The following UBXN2A variants were observed in gnomAD, a reference collection of about 807,000 sequenced individuals.
UBXN2A encodes the protein UBX domain protein 2A, also known as UBX domain-containing protein 2A.
Under a neutral mutation model 28.4 loss-of-function variants are expected in UBXN2A, and 28 were observed. The ratio of observed to expected loss-of-function variants is 0.99; its 90% CI spans 0.73 to 1.35. UBXN2A has a LOEUF of 1.35. Among genes scored for constraint, UBXN2A ranks in the 40% most tolerant of loss-of-function variants. UBXN2A has a pLI of 0.00. For missense variants in UBXN2A, 253 were observed against 297.9 expected (o/e 0.85, Z 1.11); for synonymous variants, 97 against 103.6 (o/e 0.94, Z 0.39).
At chr2:23,934,584 A>G (rs1705470172) in intron 1 of UBXN2A, among the ~76,000 whole-genome samples, 1 of 152,214 alleles carries the variant, frequency 6.6e-6, no homozygotes, top group Non-Finnish European at 1.5e-5. Flanking sequence ...TGTGAATTCA[A>G]AAAGCATTCA....
At chr2:23,933,232 C>T (rs1047065452) in intron 1 of UBXN2A, among the ~76,000 whole-genome samples, 5 of 152,084 alleles carry the variant, frequency 3.3e-5, no homozygotes, top group African/African-American at 1.2e-4. Flanking sequence ...ATAGGCCAAG[C>T]GTGGGGGCTT....
intron 2 of UBXN2A, among the ~76,000 whole-genome samples, chr2:23,969,988 C>A (rs1707347054): frequency 6.6e-6 from 1 of 152,078 alleles, no homozygotes; most frequent in Admixed American, 6.6e-5. Flanking sequence ...CATTTTGAGC[C>A]CTTTAAAAAT....
chr2:23,981,211 G>A (rs1000872644), intron 4 of UBXN2A, among the ~76,000 whole-genome samples: 3 of 148,786 alleles, frequency 2.0e-5, no homozygotes, highest in Non-Finnish European at 3.0e-5. Context: ...GTTAATGCCT[G>A]TAATCTCAAC....
At chr2:23,968,246 A>T (rs1707254739) in intron 2 of UBXN2A, among the ~76,000 whole-genome samples, 1 of 152,186 alleles carries the variant, frequency 6.6e-6, no homozygotes, top group Non-Finnish European at 1.5e-5. Flanking sequence ...ATGGGGATAA[A>T]AATAATACCT....
At chr2:23,949,125 T>C (rs1176941805) in intron 1 of UBXN2A, among the ~76,000 whole-genome samples, 2 of 148,118 alleles carry the variant, frequency 1.4e-5, no homozygotes, top group Non-Finnish European at 3.0e-5. Context: ...TCTTTTTTTT[T>C]TTTTTTTTGT....
intron 6 of UBXN2A, among the ~76,000 whole-genome samples, chr2:23,993,561 C>A (rs1358756698): frequency 6.6e-6 from 1 of 152,082 alleles, no homozygotes; most frequent in Non-Finnish European, 1.5e-5. Context: ...ATTTTAACAA[C>A]CCTCAAAATG....
intron 1 of UBXN2A, among the ~76,000 whole-genome samples, chr2:23,929,652 G>A (rs1705312141): frequency 6.6e-6 from 1 of 151,806 alleles, no homozygotes; most frequent in Non-Finnish European, 1.5e-5. Context: ...GGCGGAGGTT[G>A]CAGTGAGCTG....
chr2:23,959,181 G>C (rs1706784754), intron 2 of UBXN2A, among the ~76,000 whole-genome samples: 2 of 152,042 alleles, frequency 1.3e-5, no homozygotes, highest in African/African-American at 4.8e-5. Context: ...ATAAATATTT[G>C]ATGCTAATTA....
intron 1 of UBXN2A, among the ~76,000 whole-genome samples, chr2:23,955,014 C>T (rs1419467554): frequency 6.7e-6 from 1 of 149,616 alleles, no homozygotes; most frequent in Non-Finnish European, 1.5e-5. Context: ...CTCACTGCAA[C>T]CTCCACCTCC....
intron 2 of UBXN2A, among the ~76,000 whole-genome samples, chr2:23,964,519 T>A (rs1322598885): frequency 6.6e-6 from 1 of 152,148 alleles, no homozygotes; most frequent in Non-Finnish European, 1.5e-5. Context: ...TATTCAGTCT[T>A]GAGAAAGAAG....
In UBXN2A at chr2:23,946,887, ATTT is replaced by A. The variant is rs34433205; in HGVS notation, c.-15+6257_-15+6259del. Among the ~76,000 whole-genome samples the A allele has an allele frequency of 3.2e-3, 417 of 131,646 alleles. 1 individual carries two copies. The highest frequency in any genetic ancestry group is 3.6e-3 in the Admixed American group (46 of 12,820). 86.4% of individuals were successfully genotyped at this position (131,646 alleles called of 152,430 possible). On this transcript the variant is annotated intron_variant, in intron 1 of 6. Coordinates refer to ENST00000309033, the MANE Select transcript of UBXN2A (RefSeq NM_181713.4). ...AGAGTCTCAGACTCCCAATTTATTA[ATTT>A]TTTTTTTTTTTTTTTTTGAGACAGG...
Position 23,951,423 on chromosome 2 carries a change from T to TAG in UBXN2A, c.-14-6877_-14-6876insGA, listed in dbSNP as rs1177255199. Among the ~76,000 whole-genome samples, 7 of 15,178 alleles carry TAG rather than the reference T, an allele frequency of 4.6e-4. 1 individual carries two copies. Among genetic ancestry groups the TAG allele is most frequent in the African/African-American group, 7.1e-4 (5 of 7,010 alleles). The allele number at this position is 15,178 out of a possible 152,430, so 10.0% of individuals were successfully genotyped here. The stretch of plus-strand genomic sequence containing the variant: ...ATATACAGTAAGATGGATATATATA[T>TAG]ATATATATATATATATATATATATA... On this transcript the variant is annotated intron_variant, in intron 1 of 6. Transcript: ENST00000309033.
At chr2:23,961,088 A>T (rs1162265721) in intron 2 of UBXN2A, among the ~76,000 whole-genome samples, 5 of 141,932 alleles carry the variant, frequency 3.5e-5, no homozygotes, top group Non-Finnish European at 7.8e-5. Flanking sequence ...ATGTACTTTG[A>T]ATTTTTTTTG....
Position 23,961,907 on chromosome 2 carries a change from T to G in UBXN2A, c.41+3552T>G, listed in dbSNP as rs1196481623. Among the ~76,000 whole-genome samples the G allele has an allele frequency of 8.0e-5, 12 of 150,512 alleles. No individual in the cohort carries two copies. The East Asian group carries it at 2.4e-3, about 30-fold the overall frequency. On this transcript the variant is annotated intron_variant, in intron 2 of 6. Transcript: ENST00000309033. ...TCACCCAGGCTGGAGTGCAGTGGCG[T>G]GATCTCAGCTCACTGCAACCTCCGC...
upstream of UBXN2A, chr2:23,940,430 C>CCT (rs10688562): frequency 0.45 from 67,903 of 150,674 alleles, 16,174 homozygotes; most frequent in East Asian, 0.78. Context: ...CGCGCGCGCT[C>CCT]CTCGGGTCTG....
At chr2:23,982,205 A>G (rs191994395) in intron 4 of UBXN2A, among the ~76,000 whole-genome samples, 1 of 94,740 alleles carries the variant, frequency 1.1e-5, no homozygotes, top group East Asian at 2.3e-4. Context: ...TAAAAATACC[A>G]AAAAAAAAAA....
chr2:23,938,801 C>T (rs1705615999), upstream of UBXN2A, among the ~76,000 whole-genome samples: 1 of 152,140 alleles, frequency 6.6e-6, no homozygotes. Context: ...TAAATTTATA[C>T]ATCCATGGTC....
intron 6 of UBXN2A, among the ~76,000 whole-genome samples, chr2:23,987,607 T>G (rs1320781365): frequency 1.3e-5 from 2 of 151,414 alleles, no homozygotes; most frequent in Non-Finnish European, 2.9e-5. Context: ...TGAAACCCCA[T>G]CTCTACTAAA....
intron 1 of UBXN2A, among the ~76,000 whole-genome samples, chr2:23,953,736 G>T (rs1164310813): frequency 6.6e-6 from 1 of 152,136 alleles, no homozygotes; most frequent in African/African-American, 2.4e-5. Flanking sequence ...TTTTCCTAAA[G>T]AATTTCCCAC....
Sources: gnomAD v4.1 joint callset for allele counts (sites outside exome capture counted in the v4.1 genomes callset) on GRCh38, gnomAD v4.1.1 for gene constraint, MANE v1.5 for transcripts, NCBI Gene and HGNC (gene_info 2026-07-23, HGNC 2026-07-21) for gene names.